Variants in DLGAP2 observed in about 807,000 individuals in gnomAD.
DLGAP2 encodes the protein DLG associated protein 2, also known as disks large-associated protein 2.
In DLGAP2, 26 loss-of-function variants were observed where a neutral mutation model predicts 100.3. The ratio of observed to expected loss-of-function variants is 0.26; its 90% confidence interval spans 0.19 to 0.36. The LOEUF (loss-of-function observed/expected upper bound fraction) is 0.36, where lower values mean the gene tolerates loss of function less well. Ranked by LOEUF, DLGAP2 falls within the 10% of genes least tolerant of loss-of-function variation. DLGAP2 has a pLI of 1.00. For synonymous variants in DLGAP2, 886 were observed against 630.1 expected, an observed-to-expected ratio of 1.41 and a Z score of -6.08; for missense variants, 1,858 against 1,453.2, an observed-to-expected ratio of 1.28 and a Z score of -4.53.
chr8:1,434,429 C>T (rs142409936), intron 3 of DLGAP2, among the ~76,000 whole-genome samples: 3 of 152,228 alleles, frequency 2.0e-5, no homozygotes, highest in African/African-American at 7.2e-5. Context: ...TCCTGCCACA[C>T]CCACCACTGG....
chr8:1,352,806 A>C (rs1262612003), intron 3 of DLGAP2, among the ~76,000 whole-genome samples: 1 of 151,992 alleles, frequency 6.6e-6, no homozygotes, highest in South Asian at 2.1e-4. Flanking sequence ...CCCAGCCCCT[A>C]CCCAAGGTCT....
At chr8:1,046,769 A>G (rs1307254627) in intron 2 of DLGAP2, among the ~76,000 whole-genome samples, 1 of 152,038 alleles carries the variant, frequency 6.6e-6, no homozygotes, top group African/African-American at 2.4e-5. Flanking sequence ...ATTAACAGAG[A>G]TGCTTGTGGA....
At chr8:1,007,501 C>G (rs1801152920) in intron 2 of DLGAP2, among the ~76,000 whole-genome samples, 1 of 152,236 alleles carries the variant, frequency 6.6e-6, no homozygotes, top group African/African-American at 2.4e-5. Context: ...AAAGATGTGT[C>G]TCTAACTAAA....
intron 2 of DLGAP2, among the ~76,000 whole-genome samples, chr8:1,000,639 T>C (rs1226963266): frequency 6.6e-6 from 1 of 152,244 alleles, no homozygotes; most frequent in Non-Finnish European, 1.5e-5. Flanking sequence ...TGCTCTGTTA[T>C]TACTTTTCCT....
chr8:980,006 G>C (rs759752170), intron 2 of DLGAP2, among the ~76,000 whole-genome samples: 1 of 152,184 alleles, frequency 6.6e-6, no homozygotes, highest in African/African-American at 2.4e-5. Context: ...GCAACCTCTA[G>C]GACTTGGCAA....
chr8:1,597,761 A>T (rs1028954172), intron 6 of DLGAP2, among the ~76,000 whole-genome samples: 2 of 152,122 alleles, frequency 1.3e-5, no homozygotes, highest in African/African-American at 2.4e-5. Flanking sequence ...GCTTAAGGAG[A>T]TTTAGGGCTG....
chr8:1,705,373 G>A lies in DLGAP2; in HGVS notation c.*3967G>A, dbSNP rs117627026. 1,637 of 152,354 alleles carry A rather than the reference G, an allele frequency of 0.011. 16 individuals are homozygous for A. The highest frequency in any genetic ancestry group is 0.016 in the Non-Finnish European group (1,115 of 68,072). The allele number at this position is 152,354 out of a possible 1,614,324, so 9.4% of individuals were successfully genotyped here. A position where few individuals can be genotyped will look rare whatever the true frequency, so the allele number is the denominator to read the frequency against. On this transcript the variant is annotated 3_prime_UTR_variant, in exon 15 of 15. Transcript: ENST00000637795. Reference sequence around the variant, plus strand: ...TGCTTGGAATTCTGGCAGGTTCCCCGGGGTGTTTCAGTGGACAGGAGGCCC... The same window carrying A: ...TGCTTGGAATTCTGGCAGGTTCCCCAGGGTGTTTCAGTGGACAGGAGGCCC...
In DLGAP2 at chr8:1,443,798, C is replaced by T. The variant is rs940021797; in HGVS notation, c.107-57568C>T. On this transcript the variant is annotated intron_variant, in intron 3 of 14. Coordinates refer to ENST00000637795, the MANE Select transcript of DLGAP2 (RefSeq NM_001346810.2). ...TCTCCACCTGGCCCCACCCTTGACACGTGGGGATTATTACAATTCAAGATG... is the reference window on the plus strand; with the variant it reads ...TCTCCACCTGGCCCCACCCTTGACATGTGGGGATTATTACAATTCAAGATG... Among the ~76,000 whole-genome samples the T allele has an allele frequency of 4.6e-5, 7 of 152,068 alleles. No individual in the cohort carries two copies. The South Asian group carries it at 1.5e-3, about 32-fold the overall frequency.
intron 3 of DLGAP2, among the ~76,000 whole-genome samples, chr8:1,431,518 G>GAGGCAGCCAGCTGCCTGGCGCTCAGC (rs1432515362): frequency 6.6e-6 from 1 of 152,240 alleles, no homozygotes; most frequent in Non-Finnish European, 1.5e-5. Context: ...GAGAAAGGAA[G>GAGGCAGCCAGCTGCCTGGCGCTCAGC]AGGCAGCCAG....
chr8:1,323,473 C>A (rs1800952125), intron 3 of DLGAP2, among the ~76,000 whole-genome samples: 1 of 152,224 alleles, frequency 6.6e-6, no homozygotes, highest in Non-Finnish European at 1.5e-5. Flanking sequence ...AGCTCTTCCT[C>A]CCACCCCACA....
At chr8:1,115,172 T>G (rs1198997601) in intron 2 of DLGAP2, among the ~76,000 whole-genome samples, 2 of 152,240 alleles carry the variant, frequency 1.3e-5, no homozygotes, top group African/African-American at 4.8e-5. Flanking sequence ...TCTGTTGTTT[T>G]GGGGTAGAGT....
At chr8:1,542,082 C>A (rs184037966) in intron 4 of DLGAP2, among the ~76,000 whole-genome samples, 17 of 152,230 alleles carry the variant, frequency 1.1e-4, no homozygotes, top group African/African-American at 3.4e-4. Flanking sequence ...GATTTAGAAG[C>A]AAAAAATAAA....
chr8:1,179,478 T>C (rs1056111426), intron 2 of DLGAP2, among the ~76,000 whole-genome samples: 3 of 152,248 alleles, frequency 2.0e-5, no homozygotes, highest in Admixed American at 1.3e-4. Context: ...CAGCAGGCTC[T>C]GCAAGAGACG....
At chr8:1,543,209 A>C (rs13258821) in intron 4 of DLGAP2, among the ~76,000 whole-genome samples, 79,730 of 152,034 alleles carry the variant, frequency 0.52, 21,199 homozygotes, top group African/African-American at 0.61. Context: ...AATTTTAGGT[A>C]GTTTATTTTA....
intron 1 of DLGAP2, among the ~76,000 whole-genome samples, chr8:818,427 C>A (rs1048405496): frequency 5.3e-5 from 8 of 152,294 alleles, no homozygotes; most frequent in Middle Eastern, 3.4e-3. Flanking sequence ...GGAACTTTCC[C>A]TGAACCACGA....
At chr8:1,420,234 G>T (rs1388432057) in intron 3 of DLGAP2, among the ~76,000 whole-genome samples, 2 of 152,146 alleles carry the variant, frequency 1.3e-5, no homozygotes, top group Admixed American at 6.5e-5. Context: ...GTAAACTCAG[G>T]TGTGGTTGAA....
intron 11 of DLGAP2, among the ~76,000 whole-genome samples, chr8:1,677,162 A>G (rs1344282627): frequency 2.0e-5 from 3 of 152,226 alleles, no homozygotes; most frequent in African/African-American, 4.8e-5. Context: ...TGATGAGAAT[A>G]TTACATGGTG....
intron 2 of DLGAP2, among the ~76,000 whole-genome samples, chr8:1,007,624 G>GTT (rs71528631): frequency 1.7e-5 from 2 of 114,736 alleles, no homozygotes; most frequent in Non-Finnish European, 3.5e-5. Context: ...TCTATGGGTA[G>GTT]TTTTTTTTTT....
chr8:1,668,431 C>A lies in DLGAP2; in HGVS notation c.1913C>A (p.Thr638Asn). 1.2e-6 allele frequency: 2 copies of A among 1,602,740 alleles called. No individual in the cohort carries two copies. The highest frequency in any genetic ancestry group is 1.7e-6 in the Non-Finnish European group (2 of 1,175,220). Reference sequence around the variant, plus strand: ...ACGGCGCAGAGCAGCACCGAATCCACCCAGGACGCCTACCAGGACAGCCGC... The same window carrying A: ...ACGGCGCAGAGCAGCACCGAATCCAACCAGGACGCCTACCAGGACAGCCGC... ...SVTAQSSTES[T>N]QDAYQDSRAQ... The change falls in exon 9 of 15, where the codon ACC becomes AAC. Residue 638 changes from threonine (T) to asparagine (N), a missense_variant. Physicochemically the swap from Thr to Asn is moderately conservative, Grantham distance 65. Coordinates refer to ENST00000637795, the MANE Select transcript of DLGAP2 (RefSeq NM_001346810.2).
Sources: gnomAD v4.1 joint callset for allele counts (sites outside exome capture counted in the v4.1 genomes callset) on GRCh38, gnomAD v4.1.1 for gene constraint, MANE v1.5 for transcripts, NCBI Gene and HGNC (gene_info 2026-07-23, HGNC 2026-07-21) for gene names.